TSPAN11: variants seen among roughly 807,000 people sequenced by gnomAD.
TSPAN11 encodes tetraspanin-11.
A neutral mutation model predicts 32.9 loss-of-function variants in TSPAN11; 29 were observed. The observed-to-expected ratio is 0.88, with a 90% confidence interval of 0.66 to 1.20. The LOEUF (loss-of-function observed/expected upper bound fraction) is 1.20. TSPAN11 is among the 50% of genes most tolerant of loss of function. TSPAN11 has a pLI of 0.00. For synonymous variants in TSPAN11, 140 were observed against 141.3 expected (o/e 0.99, Z 0.07); for missense variants, 283 against 329.1 (o/e 0.86, Z 1.08).
At chr12:30,929,233 T>C (rs1021816324) in intron 1 of TSPAN11, among the ~76,000 whole-genome samples, 2 of 152,156 alleles carry the variant, frequency 1.3e-5, no homozygotes, top group African/African-American at 4.8e-5. Context: ...CAACTCCAAG[T>C]AGAAATAATA....
chr12:30,983,027 C>T, intron 6 of TSPAN11, 37 bp from the exon 7 acceptor site: 1 of 1,598,792 alleles, frequency 6.3e-7, no homozygotes, highest in Non-Finnish European at 8.5e-7. Flanking sequence ...ATGCCTGCTC[C>T]TGGGCCATGG....
Position 30,996,562 on chromosome 12 carries a change from G to GCTA in TSPAN11, c.*4647_*4648insCTA, listed in dbSNP as rs1295596972. On this transcript the variant is annotated 3_prime_UTR_variant, in exon 8 of 8. Transcript: ENST00000546076. ...GTGGAAGCCCAGCTTCATGTGCTAG[G>GCTA]GGGCATGATAATGATAATAAAGGAA... The GCTA allele has an allele frequency of 1.3e-5, 2 of 152,114 alleles. No individual in the cohort carries two copies. The highest frequency in any genetic ancestry group is 4.8e-5 in the African/African-American group (2 of 41,424). 9.4% of individuals were successfully genotyped at this position (152,114 alleles called of 1,614,324 possible). A position where few individuals can be genotyped will look rare whatever the true frequency, so the allele number is the denominator to read the frequency against.
At chr12:30,927,313 G>A (rs1272581690) in intron 1 of TSPAN11, among the ~76,000 whole-genome samples, 3 of 152,246 alleles carry the variant, frequency 2.0e-5, no homozygotes, top group African/African-American at 7.2e-5. Flanking sequence ...ACATGGCTGT[G>A]TAGGCCCTGT....
chr12:30,962,743 A>G (rs1202878195), intron 2 of TSPAN11, among the ~76,000 whole-genome samples: 1 of 152,092 alleles, frequency 6.6e-6, no homozygotes, highest in Admixed American at 6.5e-5. Flanking sequence ...CACCCATTAG[A>G]GAAAAGAGAC....
In TSPAN11 at chr12:30,939,238, C is replaced by CAAA. The variant is rs34239881; in HGVS notation, c.-12+12456_-12+12458dup. On this transcript the variant is annotated intron_variant, in intron 1 of 7. Transcript: ENST00000546076. Reference sequence around the variant, plus strand: ...CCTGGGCGACAGAGCAAGACTCCATCAAAAAAAAAAAAAAAATCCAGAAGG... The same window carrying CAAA: ...CCTGGGCGACAGAGCAAGACTCCATCAAAAAAAAAAAAAAAAAAATCCAGAAGG... 2.8e-3 allele frequency among the ~76,000 whole-genome samples: 385 copies of CAAA among 136,936 alleles called. 2 individuals are homozygous for CAAA. Among genetic ancestry groups the CAAA allele is most frequent in the African/African-American group, 8.0e-3 (287 of 35,742 alleles). 89.8% of individuals were successfully genotyped at this position (136,936 alleles called of 152,430 possible). A position where few individuals can be genotyped will look rare whatever the true frequency, so the allele number is the denominator to read the frequency against.
intron 3 of TSPAN11, among the ~76,000 whole-genome samples, chr12:30,976,972 T>C (rs1435439171): frequency 6.6e-6 from 1 of 152,190 alleles, no homozygotes; most frequent in Non-Finnish European, 1.5e-5. Flanking sequence ...GCTCTTGGCC[T>C]CAGGCCCCAC....
intron 3 of TSPAN11, 132 bp from the exon 4 acceptor site, chr12:30,978,429 C>T (rs1353511204): frequency 8.2e-6 from 7 of 854,458 alleles, no homozygotes; most frequent in Non-Finnish European, 1.3e-5. Flanking sequence ...GAGGCTGGTA[C>T]ATCCAGGAGG....
intron 1 of TSPAN11, among the ~76,000 whole-genome samples, chr12:30,935,865 T>C (rs966570209): frequency 1.3e-5 from 2 of 152,200 alleles, no homozygotes; most frequent in Non-Finnish European, 2.9e-5. Context: ...GGACAGCCCT[T>C]GACTGTCCTA....
chr12:30,945,920 GCCCGCTGAGGCCCA>G (rs1938257270), intron 1 of TSPAN11, among the ~76,000 whole-genome samples: 1 of 152,140 alleles, frequency 6.6e-6, no homozygotes, highest in Non-Finnish European at 1.5e-5. Context: ...CTGGAAGAAG[GCCCGCTGAGGCCCA>G]TTACCAGGAT....
intron 3 of TSPAN11, among the ~76,000 whole-genome samples, chr12:30,968,174 CAGTG>C (rs1938776419): frequency 6.6e-6 from 1 of 152,200 alleles, no homozygotes; most frequent in Non-Finnish European, 1.5e-5. Context: ...AGGAGAAGGG[CAGTG>C]AGTCTATCAC....
chr12:30,935,389 T>G (rs1158678371), intron 1 of TSPAN11, among the ~76,000 whole-genome samples: 8 of 148,946 alleles, frequency 5.4e-5, no homozygotes, highest in East Asian at 2.0e-4. Flanking sequence ...TTTTTTTTTT[T>G]TTTTTTTTTT....
At position 30,978,545 on chromosome 12, in the gene TSPAN11, C is replaced by T. The variant is rs765011492; in HGVS notation, c.277-16C>T. 6.2e-7 allele frequency: 1 copy of T among 1,614,116 alleles called. No individual in the cohort carries two copies. Among genetic ancestry groups the T allele is most frequent in the South Asian group, 1.1e-5 (1 of 91,078 alleles). ...ACCCGATCCCAGTGGTGACCGTCCT[C>T]TCTCTTTGCTGCTAGTATTTCTGCC... is the stretch of plus-strand genomic sequence containing the variant. On this transcript the variant is annotated splice_polypyrimidine_tract_variant and intron_variant, in intron 3 of 7. Coordinates refer to ENST00000546076, the MANE Select transcript of TSPAN11 (RefSeq NM_001370302.1).
At chr12:30,953,873 T>G in intron 1 of TSPAN11, 108 bp from the exon 2 acceptor site, 1 of 725,420 alleles carries the variant, frequency 1.4e-6, no homozygotes, top group Non-Finnish European at 2.3e-6. Flanking sequence ...CCCCGGCAGA[T>G]AGGTTAATGA....
At chr12:30,927,623 A>G (rs1937829429) in intron 1 of TSPAN11, among the ~76,000 whole-genome samples, 1 of 152,056 alleles carries the variant, frequency 6.6e-6, no homozygotes, top group Non-Finnish European at 1.5e-5. Context: ...GCTTCTGGAA[A>G]AACTCATAAG....
At chr12:31,008,960 T>G in the TSPAN11 span, among the ~76,000 whole-genome samples, 2 of 151,966 alleles carry the variant, frequency 1.3e-5, no homozygotes, top group South Asian at 2.1e-4. Flanking sequence ...AAGCCAAGGG[T>G]CACAGTGACA....
chr12:30,980,371 T>C (rs1193112104), intron 5 of TSPAN11, among the ~76,000 whole-genome samples: 2 of 152,228 alleles, frequency 1.3e-5, no homozygotes, highest in African/African-American at 2.4e-5. Context: ...ACATTTCTAG[T>C]GCTCATTAGC....
In TSPAN11 at chr12:30,992,204, CG is replaced by C. The variant is rs1939328985; in HGVS notation, c.*290del. The C allele has an allele frequency of 5.9e-6, 3 of 506,960 alleles. No homozygotes were observed. The highest frequency in any genetic ancestry group is 1.1e-5 in the Non-Finnish European group (3 of 280,058). 31.4% of individuals were successfully genotyped at this position (506,960 alleles called of 1,614,324 possible). The stretch of plus-strand genomic sequence containing the variant: ...GCCCCTCACCAGGAACGGGGGCACC[CG>C]TGGACTACGGGAGGGTGGCGGTTGG... On this transcript the variant is annotated 3_prime_UTR_variant, in exon 8 of 8. Coordinates refer to ENST00000546076, the MANE Select transcript of TSPAN11 (RefSeq NM_001370302.1).
downstream of TSPAN11, among the ~76,000 whole-genome samples, chr12:30,999,843 C>A (rs1244045070): frequency 6.6e-6 from 1 of 152,070 alleles, no homozygotes; most frequent in African/African-American, 2.4e-5. Flanking sequence ...CAGCCTTCCT[C>A]TACCAGTTCA....
At chr12:30,971,077 G>A (rs1461786943) in intron 3 of TSPAN11, among the ~76,000 whole-genome samples, 1 of 152,124 alleles carries the variant, frequency 6.6e-6, no homozygotes, top group Admixed American at 6.6e-5. Flanking sequence ...ACTTAACCTT[G>A]GCAGGGTCTT....
Sources: allele counts gnomAD v4.1 joint callset (sites outside exome capture counted in the v4.1 genomes callset), GRCh38; gene constraint gnomAD v4.1.1; transcripts MANE v1.5; gene names NCBI Gene and HGNC (gene_info 2026-07-23, HGNC 2026-07-21).